Variants in PIK3CD observed in about 807,000 individuals in gnomAD.
PIK3CD encodes the protein phosphatidylinositol-4,5-bisphosphate 3-kinase catalytic subunit delta.
Under a neutral mutation model 122.9 loss-of-function variants are expected in PIK3CD, and 20 were observed. That is an observed-to-expected ratio of 0.16 (90% CI 0.11 to 0.24). The LOEUF (loss-of-function observed/expected upper bound fraction) is 0.24. Among genes scored for constraint, PIK3CD ranks in the 10% least tolerant of loss-of-function variants. The pLI is 1.00. For missense variants in PIK3CD, 787 were observed against 1,406.3 expected (o/e 0.56, Z 7.04); for synonymous variants, 596 against 593.4 (o/e 1.00, Z -0.06).
intron 2 of PIK3CD, among the ~76,000 whole-genome samples, chr1:9,705,915 A>T (rs892230649): frequency 6.6e-6 from 1 of 152,176 alleles, no homozygotes; most frequent in African/African-American, 2.4e-5. Flanking sequence ...TATTTAGTAA[A>T]GTTAATGGTG....
At chr1:9,654,786 G>T (rs956909441) in intron 1 of PIK3CD, among the ~76,000 whole-genome samples, 4 of 152,096 alleles carry the variant, frequency 2.6e-5, no homozygotes, top group Non-Finnish European at 5.9e-5. Context: ...CAGGCTGGGC[G>T]CGGTGGCTCA....
intron 1 of PIK3CD, among the ~76,000 whole-genome samples, chr1:9,673,331 C>T (rs1255944919): frequency 6.6e-6 from 1 of 152,236 alleles, no homozygotes; most frequent in Non-Finnish European, 1.5e-5. Context: ...GCGATCTCAG[C>T]TCACTGCAAC....
At position 9,721,724 on chromosome 1, in the gene PIK3CD, CT is replaced by C; in HGVS notation, c.1956-36del. ...GCTGGGCGGGAGGGGCTGCGTGGTG[CT>C]GCCTGGTGAGGCTCAGCCCTCCCTT... is the stretch of plus-strand genomic sequence containing the variant. On this transcript the variant is annotated intron_variant, in intron 15 of 23. Transcript: ENST00000377346. The C allele has an allele frequency of 1.9e-6, 3 of 1,608,756 alleles. No individual in the cohort carries two copies. The African/African-American group carries it at 4.0e-5, about 21-fold the overall frequency.
chr1:9,645,414 A>G, the PIK3CD span, among the ~76,000 whole-genome samples: 1 of 152,006 alleles, frequency 6.6e-6, no homozygotes, highest in Non-Finnish European at 1.5e-5. Flanking sequence ...AAGGAAGTGT[A>G]TCAGGTTTTC....
intron 1 of PIK3CD, among the ~76,000 whole-genome samples, chr1:9,673,835 T>C (rs996913772): frequency 6.6e-6 from 1 of 152,204 alleles, no homozygotes; most frequent in Non-Finnish European, 1.5e-5. Context: ...CTCAGCTTTG[T>C]TTTCTTCATG....
In PIK3CD at chr1:9,722,577, C is replaced by T; in HGVS notation, c.2397C>T (p.Val799=). Residue 799 remains valine, a synonymous_variant, in exon 19 of 24, where the codon GTC becomes GTT. Coordinates refer to ENST00000377346, the MANE Select transcript of PIK3CD (RefSeq NM_005026.5). The surrounding 1 kb of genome is among the most constrained non-coding windows in gnomAD (Gnocchi z 7.6). ...LTLQMIQLMD[V]LWKQEGLDLR... ...TGCAGATGATCCAGCTCATGGACGT[C>T]CTGTGGAAGCAGGAGGGGCTGGACC... is the stretch of plus-strand genomic sequence containing the variant. 6.2e-7 allele frequency: 1 copy of T among 1,613,698 alleles called. No individual in the cohort carries two copies. The highest frequency in any genetic ancestry group is 8.5e-7 in the Non-Finnish European group (1 of 1,179,958).
chr1:9,698,973 A>C (rs1251030566), intron 2 of PIK3CD, among the ~76,000 whole-genome samples: 1 of 152,104 alleles, frequency 6.6e-6, no homozygotes, highest in African/African-American at 2.4e-5. Flanking sequence ...GGATTACTTG[A>C]GCCCAGGAGT....
Position 9,720,449 on chromosome 1 carries a change from C to A in PIK3CD, c.1471-162C>A, listed in dbSNP as rs1570380147. On this transcript the variant is annotated intron_variant, in intron 11 of 23. Transcript: ENST00000377346. The surrounding 1 kb of genome is among the most constrained non-coding windows in gnomAD (Gnocchi z 9.0). ...GTTGTCACAGCTGCCAGGAGGGATG[C>A]TCTTGGCATCTCGTGAGTGGAGGCC... 1 of 1,435,128 alleles carries A rather than the reference C, an allele frequency of 7.0e-7. No homozygotes were observed. The highest frequency in any genetic ancestry group is 9.4e-7 in the Non-Finnish European group (1 of 1,067,912). 88.9% of individuals were successfully genotyped at this position (1,435,128 alleles called of 1,614,324 possible). A position where few individuals can be genotyped will look rare whatever the true frequency, so the allele number is the denominator to read the frequency against.
chr1:9,681,575 C>T (rs4360527), intron 1 of PIK3CD, among the ~76,000 whole-genome samples: 29,512 of 152,028 alleles, frequency 0.19, 4,285 homozygotes, highest in African/African-American at 0.4. Context: ...CCACTAGTTT[C>T]TGTATTTTTA....
chr1:9,633,006 TGC>T, the PIK3CD span, among the ~76,000 whole-genome samples: 1 of 151,600 alleles, frequency 6.6e-6, no homozygotes, highest in African/African-American at 2.4e-5. Flanking sequence ...AGACTACAGG[TGC>T]CTGCAACCAC....
intron 2 of PIK3CD, among the ~76,000 whole-genome samples, chr1:9,692,574 C>CA (rs202187142): frequency 0.17 from 25,729 of 151,536 alleles, 2,281 homozygotes; most frequent in South Asian, 0.26. Context: ...ACTAAAAATA[C>CA]AAAAAATTAG....
At chr1:9,651,011 A>T (rs1426181084), upstream of PIK3CD, among the ~76,000 whole-genome samples, 1 of 152,008 alleles carries the variant, frequency 6.6e-6, no homozygotes, top group Non-Finnish European at 1.5e-5. Flanking sequence ...CGACTGGCTA[A>T]TTTTTAATTT....
intron 2 of PIK3CD, among the ~76,000 whole-genome samples, chr1:9,695,485 G>GA (rs750160112): frequency 6.6e-6 from 1 of 152,036 alleles, no homozygotes; most frequent in Non-Finnish European, 1.5e-5. Context: ...TGTCATCAGA[G>GA]AAAAAAAGGC....
upstream of PIK3CD, among the ~76,000 whole-genome samples, chr1:9,650,945 G>A (rs1025437606): frequency 1.1e-4 from 16 of 152,162 alleles, no homozygotes; most frequent in Admixed American, 2.0e-4. Context: ...CCTGGCTCAA[G>A]CCATCCTCCC....
intron 1 of PIK3CD, among the ~76,000 whole-genome samples, chr1:9,664,259 G>A (rs1413036833): frequency 6.6e-6 from 1 of 152,012 alleles, no homozygotes; most frequent in East Asian, 1.9e-4. Flanking sequence ...ATGTTGCCCA[G>A]GCTGGTCTCA....
chr1:9,630,882 G>C, the PIK3CD span, among the ~76,000 whole-genome samples: 1,111 of 152,250 alleles, frequency 7.3e-3, 11 homozygotes, highest in African/African-American at 0.025. Context: ...AGGGCAGAGA[G>C]GGGGAAGTGA....
chr1:9,713,904 G>C (rs561529942), intron 3 of PIK3CD, among the ~76,000 whole-genome samples: 225 of 141,770 alleles, frequency 1.6e-3, no homozygotes, highest in Non-Finnish European at 3.0e-3. Context: ...CCAGGCTGTA[G>C]TGCAGTGGCA....
intron 1 of PIK3CD, among the ~76,000 whole-genome samples, chr1:9,664,182 G>A (rs917033218): frequency 6.6e-6 from 1 of 151,608 alleles, no homozygotes; most frequent in African/African-American, 2.4e-5. Context: ...CCAAGTAGCT[G>A]GGACTACAGG....
At chr1:9,649,168 C>T (rs1245847187), upstream of PIK3CD, among the ~76,000 whole-genome samples, 1 of 151,940 alleles carries the variant, frequency 6.6e-6, no homozygotes, top group Non-Finnish European at 1.5e-5. Context: ...CAAGCCACTC[C>T]ATCTTACCCA....
Sources: allele counts gnomAD v4.1 joint callset (sites outside exome capture counted in the v4.1 genomes callset), GRCh38; gene constraint gnomAD v4.1.1; non-coding constraint Gnocchi (gnomAD v3.1); transcripts MANE v1.5; gene names NCBI Gene and HGNC (gene_info 2026-07-23, HGNC 2026-07-21).